Variants in CCDC91 observed in about 807,000 individuals in gnomAD.
CCDC91 encodes coiled-coil domain-containing protein 91.
A neutral mutation model predicts 63.2 loss-of-function variants in CCDC91; 48 were observed. The ratio of observed to expected loss-of-function variants is 0.76; its 90% CI spans 0.60 to 0.97. The LOEUF (loss-of-function observed/expected upper bound fraction) is 0.97, where lower values mean the gene tolerates loss of function less well. CCDC91 is among the 50% of genes least tolerant of loss of function. The probability of loss-of-function intolerance (pLI) is 0.00; values close to 1 mark genes in which losing one functional copy is unlikely to be tolerated. For missense variants in CCDC91, 500 were observed against 494.6 expected (o/e 1.01, Z -0.10); for synonymous variants, 167 against 165.8 (o/e 1.01, Z -0.06).
intron 9 of CCDC91, 44 bp downstream of exon 9, chr12:28,450,297 G>C: frequency 1.3e-6 from 2 of 1,580,734 alleles, no homozygotes; most frequent in South Asian, 2.2e-5. Flanking sequence ...AATGTGTTCT[G>C]TTACCTCAAA....
chr12:28,456,525 C>T (rs998260330), intron 11 of CCDC91, among the ~76,000 whole-genome samples: 10 of 151,746 alleles, frequency 6.6e-5, no homozygotes, highest in Admixed American at 2.6e-4. Flanking sequence ...TTTTTGAGGG[C>T]GATGATAATG....
intron 12 of CCDC91, among the ~76,000 whole-genome samples, chr12:28,494,161 A>G (rs1261688614): frequency 6.6e-6 from 1 of 151,670 alleles, no homozygotes; most frequent in Non-Finnish European, 1.5e-5. Context: ...AACTTTTCAC[A>G]GGCTCCACAT....
intron 1 of CCDC91, among the ~76,000 whole-genome samples, chr12:28,237,923 A>T (rs1373239063): frequency 2.6e-5 from 4 of 152,154 alleles, no homozygotes; most frequent in Non-Finnish European, 5.9e-5. Context: ...ACATCCTTAT[A>T]CATTGGGTCA....
intron 12 of CCDC91, among the ~76,000 whole-genome samples, chr12:28,513,830 T>C (rs548820335): frequency 5.0e-4 from 76 of 152,048 alleles, no homozygotes; most frequent in African/African-American, 1.8e-3. Context: ...CCAGGGTGTA[T>C]ATGTACCACA....
intron 12 of CCDC91, among the ~76,000 whole-genome samples, chr12:28,493,219 C>T (rs11049663): frequency 2.0e-5 from 3 of 151,420 alleles, no homozygotes; most frequent in East Asian, 3.9e-4. Flanking sequence ...AAAATCAGTA[C>T]GAGGGTCAAG....
chr12:28,517,223 A>G (rs1440057052), intron 12 of CCDC91, among the ~76,000 whole-genome samples: 1 of 151,916 alleles, frequency 6.6e-6, no homozygotes, highest in African/African-American at 2.4e-5. Context: ...TTTTTCCCAA[A>G]TGTTTAGTTT....
At position 28,514,547 on chromosome 12, in the gene CCDC91, C is replaced by T. The variant is rs1158502178; in HGVS notation, c.1215+30382C>T. 3.3e-5 allele frequency among the ~76,000 whole-genome samples: 5 copies of T among 151,722 alleles called. No individual in the cohort carries two copies. The East Asian group carries it at 9.7e-4, about 29-fold the overall frequency. On this transcript the variant is annotated intron_variant, in intron 12 of 12. Transcript: ENST00000536442. ...TTGTAATTGCTTTTGGTGACTTCGT[C>T]ATGAAATCTTTGTCCATTCGTATGT...
At chr12:28,377,356 G>C (rs1737607349) in intron 7 of CCDC91, among the ~76,000 whole-genome samples, 1 of 151,744 alleles carries the variant, frequency 6.6e-6, no homozygotes, top group South Asian at 2.1e-4. Context: ...CATAGGAAAA[G>C]TGTTGAAACA....
In CCDC91 at chr12:28,333,431, A is replaced by AT. The variant is rs908868262; in HGVS notation, c.576+25690dup. 4.0e-5 allele frequency among the ~76,000 whole-genome samples: 6 copies of AT among 151,610 alleles called. No individual in the cohort carries two copies. In the South Asian group the frequency reaches 8.4e-4, roughly 21 times the overall value. On this transcript the variant is annotated intron_variant, in intron 6 of 12. Transcript: ENST00000536442. Reference sequence around the variant, plus strand: ...AAAAAAAAAATTAAATAAACAATAAATTTTTTTTCCCACTTTGTGCATGTC... The same window carrying AT: ...AAAAAAAAAATTAAATAAACAATAAATTTTTTTTTCCCACTTTGTGCATGTC...
At chr12:28,201,370 A>T (rs778300638) in intron 1 of CCDC91, among the ~76,000 whole-genome samples, 4,836 of 124,408 alleles carry the variant, frequency 0.039, 298 homozygotes, top group African/African-American at 0.13. Flanking sequence ...CAGGTAGAGG[A>T]GCTCCTCACA....
chr12:28,505,377 T>G (rs1292384617), intron 12 of CCDC91: 4 of 151,788 alleles, frequency 2.6e-5, no homozygotes, highest in Non-Finnish European at 5.9e-5. Context: ...CTACAGTAAC[T>G]CAGAGAATTG....
chr12:28,464,558 G>C (rs1354877401), intron 11 of CCDC91, among the ~76,000 whole-genome samples: 1 of 152,214 alleles, frequency 6.6e-6, no homozygotes, highest in Non-Finnish European at 1.5e-5. Context: ...CCAGGCCCTA[G>C]CTCCTGGGCG....
intron 3 of CCDC91, among the ~76,000 whole-genome samples, chr12:28,278,603 T>A (rs1592183871): frequency 6.6e-6 from 1 of 152,102 alleles, no homozygotes; most frequent in Non-Finnish European, 1.5e-5. Context: ...TTTTGTTTAT[T>A]CAGTATAGTT....
chr12:28,546,584 T>C (rs1324931287), intron 12 of CCDC91, among the ~76,000 whole-genome samples: 2 of 152,086 alleles, frequency 1.3e-5, no homozygotes, highest in Non-Finnish European at 2.9e-5. Context: ...CTAGCACGTG[T>C]ATACAGAGGT....
chr12:28,534,667 T>C (rs1942010812), intron 12 of CCDC91, among the ~76,000 whole-genome samples: 1 of 152,224 alleles, frequency 6.6e-6, no homozygotes, highest in South Asian at 2.1e-4. Context: ...CTTTTCTTAA[T>C]TATGGTTCAA....
At chr12:28,505,323 A>G (rs1397367444) in intron 12 of CCDC91, 3 of 151,864 alleles carry the variant, frequency 2.0e-5, no homozygotes, top group Non-Finnish European at 2.9e-5. Flanking sequence ...GGAGAGAGGC[A>G]TAATATTCCA....
At chr12:28,518,219 C>T (rs1234073074) in intron 12 of CCDC91, among the ~76,000 whole-genome samples, 3 of 151,944 alleles carry the variant, frequency 2.0e-5, no homozygotes, top group Admixed American at 2.0e-4. Flanking sequence ...CACTGTTTTC[C>T]ATAGTGGTTG....
intron 1 of CCDC91, among the ~76,000 whole-genome samples, chr12:28,199,300 T>C (rs1312213299): frequency 7.2e-6 from 1 of 139,002 alleles, no homozygotes; most frequent in East Asian, 2.9e-4. Context: ...ACAATCTATA[T>C]TAATTAATAC....
At chr12:28,366,869 G>A (rs1944309959) in intron 7 of CCDC91, among the ~76,000 whole-genome samples, 1 of 151,982 alleles carries the variant, frequency 6.6e-6, no homozygotes, top group South Asian at 2.1e-4. Flanking sequence ...GTGGGAAGCT[G>A]AACTCCCAAC....
Sources: allele counts gnomAD v4.1 joint callset (sites outside exome capture counted in the v4.1 genomes callset), GRCh38; gene constraint gnomAD v4.1.1; transcripts MANE v1.5; gene names NCBI Gene and HGNC (gene_info 2026-07-23, HGNC 2026-07-21).